Variants in PIN1 observed in about 807,000 individuals in gnomAD.
The protein encoded by PIN1 is peptidylprolyl cis/trans isomerase, NIMA-interacting 1.
In PIN1, 8 loss-of-function variants were observed where a neutral mutation model predicts 19.9. The observed-to-expected ratio is 0.40, with a 90% CI of 0.24 to 0.72. The LOEUF (loss-of-function observed/expected upper bound fraction) is 0.72, where lower values mean the gene tolerates loss of function less well. PIN1 is among the 30% of genes least tolerant of loss of function. The probability of loss-of-function intolerance (pLI) is 0.37; values close to 1 mark genes in which losing one functional copy is unlikely to be tolerated. For synonymous variants in PIN1, 86 were observed against 90.8 expected (o/e 0.95, Z 0.30); for missense variants, 185 against 226.5 (o/e 0.82, Z 1.18).
At chr19:9,845,288 G>GT (rs60228047) in intron 2 of PIN1, among the ~76,000 whole-genome samples, 29,950 of 118,978 alleles carry the variant, frequency 0.25, 6,875 homozygotes, top group South Asian at 0.36. Context: ...TTGAAATGGA[G>GT]TTTCGCTCTT....
chr19:9,839,494 T>C (rs1264394999), intron 2 of PIN1, among the ~76,000 whole-genome samples: 1 of 151,994 alleles, frequency 6.6e-6, no homozygotes, highest in Non-Finnish European at 1.5e-5. Flanking sequence ...AGCTATTCCC[T>C]GCTCTGTTCT....
intron 2 of PIN1, among the ~76,000 whole-genome samples, chr19:9,845,847 G>T (rs2046215392): frequency 6.6e-6 from 1 of 152,176 alleles, no homozygotes; most frequent in South Asian, 2.1e-4. Flanking sequence ...TGGCCGCTGG[G>T]GGCTGTGGCA....
intron 2 of PIN1, among the ~76,000 whole-genome samples, chr19:9,847,732 G>T (rs933162139): frequency 8.5e-5 from 13 of 152,214 alleles, no homozygotes; most frequent in African/African-American, 3.1e-4. Context: ...GAGAGTGACA[G>T]CGGGAGCAGG....
At chr19:9,848,848 G>T (rs924786578) in intron 3 of PIN1, among the ~76,000 whole-genome samples, 2 of 152,172 alleles carry the variant, frequency 1.3e-5, no homozygotes, top group African/African-American at 2.4e-5. Context: ...GGCGGCGGCC[G>T]TAGCCCTGCC....
intron 2 of PIN1, among the ~76,000 whole-genome samples, chr19:9,844,576 A>T (rs1442870086): frequency 1.3e-5 from 2 of 152,134 alleles, no homozygotes; most frequent in Non-Finnish European, 2.9e-5. Context: ...CCTGCTCCAG[A>T]CTGGGAGCTC....
At chr19:9,836,037 G>A (rs1410881829) in intron 1 of PIN1, 1 of 152,254 alleles carries the variant, frequency 6.6e-6, no homozygotes, top group African/African-American at 2.4e-5. Flanking sequence ...CACCTTACCA[G>A]CAAGGAAACT....
At chr19:9,836,777 G>C in intron 1 of PIN1, 1 of 1,244,762 alleles carries the variant, frequency 8.0e-7, no homozygotes, top group Middle Eastern at 3.4e-4. Context: ...CGGGTGTGAA[G>C]TACCTGAGTA....
intron 2 of PIN1, among the ~76,000 whole-genome samples, chr19:9,840,669 C>T (rs2145412167): frequency 6.6e-6 from 1 of 152,300 alleles, no homozygotes; most frequent in Middle Eastern, 3.4e-3. Context: ...GTTCATAGCT[C>T]ACTGCAGCCT....
intron 2 of PIN1, among the ~76,000 whole-genome samples, chr19:9,842,855 C>A (rs1057189630): frequency 6.6e-6 from 1 of 152,244 alleles, no homozygotes; most frequent in Non-Finnish European, 1.5e-5. Context: ...ATGATTTGGG[C>A]AGCTCACTCC....
At chr19:9,848,914 C>T (rs2046247221) in intron 3 of PIN1, among the ~76,000 whole-genome samples, 176 bp from the exon 4 acceptor site, 1 of 152,178 alleles carries the variant, frequency 6.6e-6, no homozygotes, top group Non-Finnish European at 1.5e-5. Context: ...GGCCCTGCCA[C>T]CCCCAGCTGG....
rs2046222241 is a variant in PIN1 at position 9,846,580 on chromosome 19, C to T, written c.272-1450C>T. ...GGTGGTACCATTTCCACTGCAGTCCCAAGCAGGTTAGAGCGTGAGGCCGAG... is the reference window on the plus strand; with the variant it reads ...GGTGGTACCATTTCCACTGCAGTCCTAAGCAGGTTAGAGCGTGAGGCCGAG... On this transcript the variant is annotated intron_variant, in intron 2 of 3. Transcript: ENST00000247970. The surrounding 1 kb of genome is among the most constrained non-coding windows in gnomAD (Gnocchi z 5.9). Among the ~76,000 whole-genome samples, 1 of 152,108 alleles carries T rather than the reference C, an allele frequency of 6.6e-6. No homozygotes were observed. The highest frequency in any genetic ancestry group is 2.4e-5 in the African/African-American group (1 of 41,410).
rs1305568199 is a variant in PIN1, at chr19:9,838,608, G to T, written c.231G>T (p.Lys77Asn). ...GGCCCTCGTCCTGGCGGCAGGAGAA[G>T]ATCACCCGGACCAAGGAGGAGGCCC... ...SRRPSSWRQE[K>N]ITRTKEEALE... Residue 77 changes from lysine to asparagine, a missense_variant, in exon 2 of 4, where the codon AAG (lysine) becomes AAT (asparagine). Coordinates refer to ENST00000247970, the MANE Select transcript of PIN1 (RefSeq NM_006221.4). The surrounding 1 kb of genome is among the most constrained non-coding windows in gnomAD (Gnocchi z 5.8). The T allele has an allele frequency of 6.4e-7, 1 of 1,551,942 alleles. No homozygotes were observed. Among genetic ancestry groups the T allele is most frequent in the Non-Finnish European group, 8.7e-7 (1 of 1,148,888 alleles).
intron 2 of PIN1, among the ~76,000 whole-genome samples, chr19:9,842,691 G>C (rs1346341738): frequency 6.6e-6 from 1 of 152,254 alleles, no homozygotes; most frequent in Admixed American, 6.5e-5. Flanking sequence ...GAGGTCGATA[G>C]GAGGATGCAG....
chr19:9,845,902 A>G (rs2145417206), intron 2 of PIN1, among the ~76,000 whole-genome samples: 1 of 152,278 alleles, frequency 6.6e-6, no homozygotes, highest in East Asian at 1.9e-4. Flanking sequence ...TCAGACGCTC[A>G]GTGCCTGCAG....
intron 3 of PIN1, chr19:9,848,728 C>T (rs2046245622): frequency 3.2e-6 from 1 of 310,060 alleles, no homozygotes. Context: ...CAGCATGGGG[C>T]CAGCAGCTGC....
At chr19:9,848,190 G>C in intron 3 of PIN1, 50 bp downstream of exon 3, 1 of 1,135,342 alleles carries the variant, frequency 8.8e-7, no homozygotes, top group Non-Finnish European at 1.3e-6. Context: ...ACCACCCTGA[G>C]GGGTAGAGGC....
chr19:9,841,403 A>G (rs1021493320), intron 2 of PIN1, among the ~76,000 whole-genome samples: 8 of 152,180 alleles, frequency 5.3e-5, no homozygotes, highest in African/African-American at 1.9e-4. Context: ...GTAGGAAGCA[A>G]GAAGGATTCC....
rs977015832 is a variant in PIN1 at position 9,846,387 on chromosome 19, C to T, written c.272-1643C>T. Among the ~76,000 whole-genome samples the T allele has an allele frequency of 2.0e-5, 3 of 152,288 alleles. No individual in the cohort carries two copies. The highest frequency in any genetic ancestry group is 2.1e-4 in the South Asian group (1 of 4,824). On this transcript the variant is annotated intron_variant, in intron 2 of 3. Coordinates refer to ENST00000247970, the MANE Select transcript of PIN1 (RefSeq NM_006221.4). This position sits in a 1 kb window ranked among gnomAD's most constrained non-coding sequence, Gnocchi z 5.9. ...AAGGGACGTTGGTCAGGGTCCTGCTCGGTGCCGGGCACTATGCTGCATGTC... is the reference window on the plus strand; with the variant it reads ...AAGGGACGTTGGTCAGGGTCCTGCTTGGTGCCGGGCACTATGCTGCATGTC...
intron 1 of PIN1, chr19:9,836,446 G>A (rs768865531): frequency 3.9e-5 from 7 of 178,386 alleles, no homozygotes; most frequent in Non-Finnish European, 8.5e-5. Flanking sequence ...TGGAACCCGC[G>A]CTCTCGCCCA....
Sources: gnomAD v4.1 joint callset for allele counts (sites outside exome capture counted in the v4.1 genomes callset) on GRCh38, gnomAD v4.1.1 for gene constraint, Gnocchi (gnomAD v3.1) non-coding constraint, MANE v1.5 for transcripts, NCBI Gene and HGNC (gene_info 2026-07-23, HGNC 2026-07-21) for gene names.